The following ATAT1 variants were observed in gnomAD, a reference collection of about 807,000 sequenced individuals.
The protein encoded by ATAT1 is alpha tubulin acetyltransferase 1.
A neutral mutation model predicts 57.2 loss-of-function variants in ATAT1; 42 were observed. The ratio of observed to expected loss-of-function variants is 0.73; its 90% CI spans 0.57 to 0.95. The LOEUF is 0.95. ATAT1 is among the 40% of genes least tolerant of loss of function. ATAT1 has a pLI of 0.00. For synonymous variants in ATAT1, 168 were observed against 187.1 expected (o/e 0.90, Z 0.83); for missense variants, 454 against 523.7 (o/e 0.87, Z 1.30).
Position 30,626,991 on chromosome 6 carries a change from C to T in ATAT1, c.-213C>T, listed in dbSNP as rs1159880264. The T allele has an allele frequency of 1.3e-6, 2 of 1,591,720 alleles. No individual in the cohort carries two copies. The highest frequency in any genetic ancestry group is 1.8e-5 in the Admixed American group (1 of 56,366). The stretch of plus-strand genomic sequence containing the variant: ...CCGACCCGGAACCACAACGCCGGCC[C>T]GGTGACAGCTCAAACCCACCCTCTG... On this transcript the variant is annotated 5_prime_UTR_variant, in exon 1 of 13. Transcript: ENST00000330083.
At chr6:30,637,716 G>A (rs1447413379) in intron 6 of ATAT1, among the ~76,000 whole-genome samples, 3 of 151,010 alleles carry the variant, frequency 2.0e-5, no homozygotes, top group South Asian at 2.1e-4. Flanking sequence ...ATTGGCTCGC[G>A]CCTGTAACCC....
chr6:30,632,964 G>A (rs1763246607), intron 6 of ATAT1, among the ~76,000 whole-genome samples: 1 of 151,450 alleles, frequency 6.6e-6, no homozygotes, highest in Non-Finnish European at 1.5e-5. Flanking sequence ...AAATGGAAAC[G>A]GCAATAAGGG....
At chr6:30,638,107 G>A (rs1393906825) in intron 6 of ATAT1, among the ~76,000 whole-genome samples, 1 of 152,040 alleles carries the variant, frequency 6.6e-6, no homozygotes, top group Non-Finnish European at 1.5e-5. Flanking sequence ...TCGATCTCCT[G>A]ACCTCGTGAT....
In ATAT1 at chr6:30,628,549, CTCTT is replaced by C. The variant is rs1762156910; in HGVS notation, c.501+127_501+130del. On this transcript the variant is annotated intron_variant, in intron 6 of 12. Coordinates refer to ENST00000330083, the MANE Select transcript of ATAT1 (RefSeq NM_001031722.4). Reference sequence around the variant, plus strand: ...ATAGGTTTCATTTTCTACAACCAGGCTCTTTCTTTCTCTTGTGGTACCATCTCTC... The same window carrying C: ...ATAGGTTTCATTTTCTACAACCAGGCTCTTTCTCTTGTGGTACCATCTCTC... The C allele has an allele frequency of 7.8e-6, 6 of 767,438 alleles. No individual in the cohort carries two copies. In the Admixed American group the frequency reaches 8.4e-5, roughly 11 times the overall value. The allele number at this position is 767,438 out of a possible 1,614,324, so 47.5% of individuals were successfully genotyped here. A position where few individuals can be genotyped will look rare whatever the true frequency, so the allele number is the denominator to read the frequency against.
At chr6:30,644,275 G>A (rs1397049627) in intron 10 of ATAT1, 2 of 985,692 alleles carry the variant, frequency 2.0e-6, no homozygotes, top group African/African-American at 3.5e-5. Flanking sequence ...TGTTTCTTGA[G>A]AGTAGATCCA....
intron 10 of ATAT1, chr6:30,643,294 G>A: frequency 7.0e-7 from 1 of 1,422,572 alleles, no homozygotes; most frequent in Non-Finnish European, 9.2e-7. Context: ...TGGGGGAACA[G>A]AGCCTTCTAA....
chr6:30,644,168 G>C (rs552587988), intron 10 of ATAT1: 3 of 985,886 alleles, frequency 3.0e-6, no homozygotes, highest in East Asian at 2.3e-4. Flanking sequence ...ATTTTGTGTA[G>C]GTGTCAGGGA....
rs1255300849 is a variant in ATAT1, at chr6:30,646,335, T to C, written c.1056-134T>C. ...CTCTGAGAGGTTTTAAATTTGGACATAGCACTAATGGTTCCAGCTTCATAC... is the reference window on the plus strand; with the variant it reads ...CTCTGAGAGGTTTTAAATTTGGACACAGCACTAATGGTTCCAGCTTCATAC... On this transcript the variant is annotated intron_variant, in intron 12 of 12. Transcript: ENST00000330083. The C allele has an allele frequency of 3.5e-6, 5 of 1,447,182 alleles. No homozygotes were observed. The African/African-American group carries it at 5.7e-5, about 17-fold the overall frequency. 89.6% of individuals were successfully genotyped at this position (1,447,182 alleles called of 1,614,324 possible). A position where few individuals can be genotyped will look rare whatever the true frequency, so the allele number is the denominator to read the frequency against.
chr6:30,639,512 C>T (rs142580331), intron 6 of ATAT1, among the ~76,000 whole-genome samples: 5,407 of 145,858 alleles, frequency 0.037, 191 homozygotes, highest in African/African-American at 0.083. Flanking sequence ...AGTCTTGCTC[C>T]ATCGCCCAGG....
At chr6:30,629,132 C>G (rs1182079972) in intron 6 of ATAT1, among the ~76,000 whole-genome samples, 1 of 151,948 alleles carries the variant, frequency 6.6e-6, no homozygotes, top group African/African-American at 2.4e-5. Context: ...ACTCCTGGCT[C>G]AAGAGATCCA....
At position 30,629,244 on chromosome 6, in the gene ATAT1, C is replaced by CA. The variant is rs374234937; in HGVS notation, c.501+814_501+815insA. On this transcript the variant is annotated intron_variant, in intron 6 of 12. Transcript: ENST00000330083. ...AAGTTGTTTCCTACACCTAATTTTT[C>CA]TTTTTTTTTTTTTTTGTGAGATGTA... 5.6e-4 allele frequency among the ~76,000 whole-genome samples: 77 copies of CA among 137,340 alleles called. 1 individual carries two copies. Among genetic ancestry groups the CA allele is most frequent in the South Asian group, 2.5e-3 (11 of 4,346 alleles). 90.1% of individuals were successfully genotyped at this position (137,340 alleles called of 152,430 possible).
At chr6:30,640,804 C>G in intron 8 of ATAT1, 1 of 614,398 alleles carries the variant, frequency 1.6e-6, no homozygotes, top group Non-Finnish European at 2.8e-6. Context: ...TAAGCAAGCT[C>G]ATTGGGAGCC....
At chr6:30,627,374 A>T (rs2127477408) in intron 1 of ATAT1, 86 bp from the exon 2 acceptor site, 1 of 1,604,326 alleles carries the variant, frequency 6.2e-7, no homozygotes, top group East Asian at 2.2e-5. Context: ...CCTGGGTTGG[A>T]GTTGTGGCCC....
At chr6:30,628,628 G>A (rs552241829) in intron 6 of ATAT1, among the ~76,000 whole-genome samples, 198 bp downstream of exon 6, 2 of 149,714 alleles carry the variant, frequency 1.3e-5, no homozygotes, top group South Asian at 2.1e-4. Flanking sequence ...TTTTTGAGAT[G>A]GAGTCTCGCC....
chr6:30,628,834 A>C (rs1475383374), intron 6 of ATAT1, among the ~76,000 whole-genome samples: 1 of 150,652 alleles, frequency 6.6e-6, no homozygotes, highest in Non-Finnish European at 1.5e-5. Context: ...CAAACTCCTG[A>C]CCTTGTGATC....
At chr6:30,627,316 T>A in intron 1 of ATAT1, 144 bp from the exon 2 acceptor site, 1 of 1,612,816 alleles carries the variant, frequency 6.2e-7, no homozygotes, top group African/African-American at 1.3e-5. Flanking sequence ...GGGTGGGAAA[T>A]CAGATTGGAA....
intron 6 of ATAT1, among the ~76,000 whole-genome samples, chr6:30,632,954 A>C (rs573672330): frequency 7.9e-5 from 12 of 152,182 alleles, no homozygotes; most frequent in Middle Eastern, 6.8e-3. Flanking sequence ...AAAAAAAAAA[A>C]AATGGAAACG....
At position 30,646,732 on chromosome 6, in the gene ATAT1, T is replaced by C. The variant is rs1766801584; in HGVS notation, c.*89T>C. 7.4e-7 allele frequency: 1 copy of C among 1,346,650 alleles called. No homozygotes were observed. Among genetic ancestry groups the C allele is most frequent in the Non-Finnish European group, 9.8e-7 (1 of 1,023,642 alleles). 83.4% of individuals were successfully genotyped at this position (1,346,650 alleles called of 1,614,324 possible). ...CCAACCCTCATAATAGATGGATACATTCATTCATTCATTCATTCAGCAGGC... is the reference window on the plus strand; with the variant it reads ...CCAACCCTCATAATAGATGGATACACTCATTCATTCATTCATTCAGCAGGC... On this transcript the variant is annotated 3_prime_UTR_variant, in exon 13 of 13. Coordinates refer to ENST00000330083, the MANE Select transcript of ATAT1 (RefSeq NM_001031722.4).
intron 12 of ATAT1, 43 bp downstream of exon 12, chr6:30,646,152 T>G: frequency 1.9e-6 from 3 of 1,591,830 alleles, no homozygotes; most frequent in Non-Finnish European, 2.6e-6. Flanking sequence ...CACCACCATC[T>G]GACTCCCTTC....
Sources: gnomAD v4.1 joint callset for allele counts (sites outside exome capture counted in the v4.1 genomes callset) on GRCh38, gnomAD v4.1.1 for gene constraint, MANE v1.5 for transcripts, NCBI Gene and HGNC (gene_info 2026-07-23, HGNC 2026-07-21) for gene names.